The following DAP3 variants were observed in gnomAD, a reference collection of about 807,000 sequenced individuals.
DAP3 encodes small ribosomal subunit protein mS29.
DAP3 carries 28 observed loss-of-function variants against 51.9 expected under a neutral mutation model. The observed-to-expected ratio is 0.54, with a 90% CI of 0.40 to 0.74. The LOEUF (loss-of-function observed/expected upper bound fraction) is 0.74, where lower values mean the gene tolerates loss of function less well. DAP3 is among the 30% of genes least tolerant of loss of function. DAP3 has a pLI of 0.00. For missense variants in DAP3, 458 were observed against 483.5 expected (o/e 0.95, Z 0.49); for synonymous variants, 170 against 170.3 (o/e 1.00, Z 0.01).
chr1:155,717,625 C>A (rs1191923853), intron 3 of DAP3, among the ~76,000 whole-genome samples: 2 of 152,148 alleles, frequency 1.3e-5, no homozygotes, highest in Non-Finnish European at 1.5e-5. Flanking sequence ...GGTGCCCAGC[C>A]ATAACTTAAC....
intron 1 of DAP3, among the ~76,000 whole-genome samples, chr1:155,695,886 G>A (rs1654450726): frequency 6.6e-6 from 1 of 152,142 alleles, no homozygotes; most frequent in African/African-American, 2.4e-5. Flanking sequence ...GGGGCATCAC[G>A]AGTAATTTTC....
At chr1:155,717,280 C>T in intron 3 of DAP3, 152 bp downstream of exon 3, 1 of 1,239,408 alleles carries the variant, frequency 8.1e-7, no homozygotes, top group Non-Finnish European at 1.1e-6. Context: ...AACCCAGATT[C>T]TCCCTGTCCC....
At position 155,714,825 on chromosome 1, in the gene DAP3, A is replaced by C. The variant is rs145254650; in HGVS notation, c.46-2181A>C. Among the ~76,000 whole-genome samples, 585 of 152,284 alleles carry C rather than the reference A, an allele frequency of 3.8e-3. 5 individuals are homozygous for C. The highest frequency in any genetic ancestry group is 0.013 in the African/African-American group (561 of 41,576). On this transcript the variant is annotated intron_variant, in intron 2 of 12. Transcript: ENST00000368336. ...AACCTGTGTAGTGGGAATGTTAGAC[A>C]CATAATTTAGGATCATGTCATAAAA... is the stretch of plus-strand genomic sequence containing the variant.
chr1:155,690,478 CAA>C (rs1653619094), intron 1 of DAP3, among the ~76,000 whole-genome samples: 1 of 141,070 alleles, frequency 7.1e-6, no homozygotes, highest in African/African-American at 3.3e-5. Context: ...GAAGAGGTTG[CAA>C]AGTTAGCCGA....
At chr1:155,716,416 A>G (rs1031115522) in intron 2 of DAP3, among the ~76,000 whole-genome samples, 28 of 152,012 alleles carry the variant, frequency 1.8e-4, no homozygotes, top group African/African-American at 5.5e-4. Flanking sequence ...TACTAAAAAT[A>G]CAAAAAATTA....
At chr1:155,696,038 A>G (rs1233004592) in intron 1 of DAP3, among the ~76,000 whole-genome samples, 2 of 152,202 alleles carry the variant, frequency 1.3e-5, no homozygotes, top group East Asian at 3.8e-4. Flanking sequence ...ACTTTTATTT[A>G]TTGGAACTAT....
chr1:155,690,992 C>G lies in DAP3; in HGVS notation c.-8+1818C>G, dbSNP rs936962873. ...GCGCGATCTCGGCTCACTGCAAGCTCCGCCTCCCGGGTTCGCGCCATTCTC... is the reference window on the plus strand; with the variant it reads ...GCGCGATCTCGGCTCACTGCAAGCTGCGCCTCCCGGGTTCGCGCCATTCTC... On this transcript the variant is annotated intron_variant, in intron 1 of 12. Transcript: ENST00000368336. Among the ~76,000 whole-genome samples the G allele has an allele frequency of 6.3e-4, 89 of 142,230 alleles. 2 individuals are homozygous for G. The highest frequency in any genetic ancestry group is 4.0e-4 in the Non-Finnish European group (27 of 68,026). 93.3% of individuals were successfully genotyped at this position (142,230 alleles called of 152,430 possible).
intron 11 of DAP3, among the ~76,000 whole-genome samples, chr1:155,734,302 C>G (rs985346738): frequency 1.3e-5 from 2 of 152,088 alleles, no homozygotes; most frequent in African/African-American, 4.8e-5. Flanking sequence ...TGAGCACATG[C>G]CACCACACCC....
intron 11 of DAP3, among the ~76,000 whole-genome samples, chr1:155,733,885 A>G (rs1659495878): frequency 6.6e-6 from 1 of 150,960 alleles, no homozygotes; most frequent in African/African-American, 2.4e-5. Flanking sequence ...CAGGCTTGGT[A>G]GCTCACAGCT....
chr1:155,727,725 G>A lies in DAP3; in HGVS notation c.590G>A (p.Arg197His), dbSNP rs772079263. The change falls in exon 7 of 13, where the codon CGC becomes CAC. Residue 197 changes from arginine (R) to histidine (H), a missense_variant. Coordinates refer to ENST00000368336, the MANE Select transcript of DAP3 (RefSeq NM_004632.4). ...AAGAATTTCAAAACTACAAATGAGC[G>A]CTTCCTGAACCAGGTGACTAGACTC... ...WLKNFKTTNE[R>H]FLNQIKVQEK... The A allele has an allele frequency of 3.0e-5, 48 of 1,613,118 alleles. No individual in the cohort carries two copies. Among genetic ancestry groups the A allele is most frequent in the Middle Eastern group, 1.6e-4 (1 of 6,080 alleles).
At chr1:155,726,285 A>ATTT in intron 6 of DAP3, 29 of 120,470 alleles carry the variant, frequency 2.4e-4, no homozygotes, top group South Asian at 1.0e-3. Context: ...CGCCCAGCTA[A>ATTT]TTTTTTTTTT....
intron 9 of DAP3, among the ~76,000 whole-genome samples, chr1:155,730,247 ACGTAT>A (rs1659097709): frequency 9.3e-5 from 14 of 149,736 alleles, no homozygotes; most frequent in African/African-American, 3.4e-4. Flanking sequence ...ATGTATATAT[ACGTAT>A]ATATGCACAC....
intron 2 of DAP3, among the ~76,000 whole-genome samples, chr1:155,713,321 C>T (rs753137777): frequency 2.5e-4 from 38 of 152,176 alleles, no homozygotes; most frequent in Non-Finnish European, 4.6e-4. Flanking sequence ...GGATATTTCC[C>T]AAGCATTGCT....
chr1:155,705,590 G>A (rs1246775110), intron 1 of DAP3, among the ~76,000 whole-genome samples: 6 of 140,744 alleles, frequency 4.3e-5, no homozygotes, highest in Admixed American at 7.2e-5. Context: ...GCAATGGAGC[G>A]AGACCCTGTC....
chr1:155,688,700 C>G, upstream of DAP3: 1 of 1,522,352 alleles, frequency 6.6e-7, no homozygotes, highest in South Asian at 1.2e-5. Context: ...CTCCTCTTCT[C>G]TCCTCCCCCT....
intron 4 of DAP3, 67 bp from the exon 5 acceptor site, chr1:155,725,315 A>G (rs920538300): frequency 7.4e-7 from 1 of 1,359,082 alleles, no homozygotes; most frequent in African/African-American, 1.4e-5. Flanking sequence ...TAGGCAGAGT[A>G]TATATACCAC....
chr1:155,700,856 G>A (rs1219347501), intron 1 of DAP3, among the ~76,000 whole-genome samples: 1 of 52,384 alleles, frequency 1.9e-5, no homozygotes, highest in Non-Finnish European at 3.6e-5. Context: ...CAGCCGCCCT[G>A]TCCGGGAGGG....
intron 1 of DAP3, among the ~76,000 whole-genome samples, chr1:155,700,810 G>A (rs1466770923): frequency 4.1e-5 from 5 of 122,546 alleles, no homozygotes; most frequent in African/African-American, 6.4e-5. Context: ...CTGCCCGGCC[G>A]CCCCTACTGG....
intron 3 of DAP3, among the ~76,000 whole-genome samples, chr1:155,720,843 C>G (rs1429259689): frequency 6.6e-6 from 1 of 151,866 alleles, no homozygotes. Context: ...TCAAGACCAT[C>G]CTGGTCAACA....
Sources: gnomAD v4.1 joint callset for allele counts (sites outside exome capture counted in the v4.1 genomes callset) on GRCh38, gnomAD v4.1.1 for gene constraint, MANE v1.5 for transcripts, NCBI Gene and HGNC (gene_info 2026-07-23, HGNC 2026-07-21) for gene names.